ZNF469: variants seen among roughly 807,000 people sequenced by gnomAD.
The protein encoded by ZNF469 is zinc finger protein 469.
In ZNF469, 1 loss-of-function variant was observed where a neutral mutation model predicts 1.0. The observed-to-expected ratio is 1.00, with a 90% CI of 0.35 to 4.73. The LOEUF (loss-of-function observed/expected upper bound fraction) is 4.73, where lower values mean the gene tolerates loss of function less well. Among genes scored for constraint, ZNF469 ranks in the 30% most tolerant of loss-of-function variants. The pLI is 0.16. For missense variants in ZNF469, 6,100 were observed against 5,356.3 expected (o/e 1.14, Z -4.33); for synonymous variants, 2,703 against 2,363.4 (o/e 1.14, Z -4.17).
At chr16:88,331,037 C>G in the ZNF469 span, among the ~76,000 whole-genome samples, 34 of 119,002 alleles carry the variant, frequency 2.9e-4, no homozygotes, top group East Asian at 5.9e-3. Flanking sequence ...CTATTACCAC[C>G]ATCATCACCA....
At chr16:88,238,024 A>T in the ZNF469 span, among the ~76,000 whole-genome samples, 1 of 152,222 alleles carries the variant, frequency 6.6e-6, no homozygotes, top group Admixed American at 6.5e-5. Context: ...ACTGAAAAAT[A>T]TTCCATTGTC....
At chr16:88,145,759 C>G in the ZNF469 span, among the ~76,000 whole-genome samples, 1 of 152,254 alleles carries the variant, frequency 6.6e-6, no homozygotes, top group Non-Finnish European at 1.5e-5. Context: ...CCCCAGCCCC[C>G]AGTGCCGGGC....
intron 1 of ZNF469, among the ~76,000 whole-genome samples, chr16:88,400,753 A>G (rs910211243): frequency 1.3e-5 from 2 of 152,072 alleles, no homozygotes; most frequent in Non-Finnish European, 2.9e-5. Context: ...GTCCGCAAAC[A>G]GTCTATCTCT....
chr16:88,376,445 C>T, the ZNF469 span, among the ~76,000 whole-genome samples: 1 of 152,180 alleles, frequency 6.6e-6, no homozygotes, highest in African/African-American at 2.4e-5. Flanking sequence ...CTCGCCTGCC[C>T]CAGGCCTGCC....
At chr16:88,332,048 C>T in the ZNF469 span, among the ~76,000 whole-genome samples, 3 of 152,202 alleles carry the variant, frequency 2.0e-5, no homozygotes, top group South Asian at 2.1e-4. Flanking sequence ...CTTGGCAGCC[C>T]CCGAGTCCCC....
the ZNF469 span, among the ~76,000 whole-genome samples, chr16:88,127,137 C>T: frequency 6.6e-6 from 1 of 152,138 alleles, no homozygotes; most frequent in African/African-American, 2.4e-5. Flanking sequence ...TTCATGTTTT[C>T]TGGGATGGAT....
At chr16:88,316,545 C>CTTGTTTTTTT in the ZNF469 span, among the ~76,000 whole-genome samples, 1 of 101,012 alleles carries the variant, frequency 9.9e-6, no homozygotes, top group African/African-American at 4.2e-5. Flanking sequence ...TAGGTGCTGT[C>CTTGTTTTTTT]TTTTTTTTTT....
At chr16:88,238,828 G>A in the ZNF469 span, among the ~76,000 whole-genome samples, 1 of 152,232 alleles carries the variant, frequency 6.6e-6, no homozygotes, top group African/African-American at 2.4e-5. Flanking sequence ...GAGAAGAGCA[G>A]GCGCCTCTGC....
chr16:88,244,740 G>A, the ZNF469 span, among the ~76,000 whole-genome samples: 467 of 65,288 alleles, frequency 7.2e-3, no homozygotes, highest in African/African-American at 0.021. Flanking sequence ...TGAGTGGGTG[G>A]ATGGGTAGCT....
At chr16:88,423,325 G>A (rs912505473) in intron 1 of ZNF469, among the ~76,000 whole-genome samples, 6 of 144,860 alleles carry the variant, frequency 4.1e-5, no homozygotes, top group Non-Finnish European at 9.2e-5. Flanking sequence ...ATGAACAGAT[G>A]GATGGGACAG....
At chr16:88,393,398 G>C (rs550106344) in intron 1 of ZNF469, among the ~76,000 whole-genome samples, 1 of 152,348 alleles carries the variant, frequency 6.6e-6, no homozygotes, top group Non-Finnish European at 1.5e-5. Context: ...CCAGCAGCCT[G>C]CTTTGCTTGG....
chr16:88,275,833 G>A, the ZNF469 span, among the ~76,000 whole-genome samples: 5 of 152,190 alleles, frequency 3.3e-5, no homozygotes. Context: ...GACCCCCCCA[G>A]GAGGCGGGGC....
At chr16:88,355,234 T>C in the ZNF469 span, among the ~76,000 whole-genome samples, 12 of 152,162 alleles carry the variant, frequency 7.9e-5, no homozygotes, top group Non-Finnish European at 1.8e-4. Flanking sequence ...TGAACACCCA[T>C]GGCTGGAGGT....
At chr16:88,406,251 T>C (rs1249399702) in intron 1 of ZNF469, among the ~76,000 whole-genome samples, 2 of 151,984 alleles carry the variant, frequency 1.3e-5, no homozygotes. Flanking sequence ...TGTCTCAGGG[T>C]GGCCGTGTAT....
chr16:88,200,270 G>C, the ZNF469 span, among the ~76,000 whole-genome samples: 11 of 152,234 alleles, frequency 7.2e-5, no homozygotes, highest in Non-Finnish European at 1.6e-4. Context: ...GAAAGGGCTA[G>C]CCTGTGCCCA....
the ZNF469 span, among the ~76,000 whole-genome samples, chr16:88,176,599 A>G: frequency 6.6e-6 from 1 of 152,202 alleles, no homozygotes; most frequent in Non-Finnish European, 1.5e-5. Context: ...CTGCTACAAG[A>G]AGTCTCAATC....
intron 1 of ZNF469, among the ~76,000 whole-genome samples, chr16:88,413,130 G>A (rs1340952729): frequency 6.6e-6 from 1 of 152,200 alleles, no homozygotes; most frequent in Non-Finnish European, 1.5e-5. Flanking sequence ...AGGCACGGGG[G>A]CCATAGTCGT....
intron 1 of ZNF469, among the ~76,000 whole-genome samples, chr16:88,394,517 C>G (rs1208142393): frequency 6.6e-6 from 1 of 152,206 alleles, no homozygotes; most frequent in Admixed American, 6.5e-5. Context: ...AAGGTGCTTC[C>G]CGGTCGTATC....
At chr16:88,116,514 C>G in the ZNF469 span, among the ~76,000 whole-genome samples, 1 of 152,200 alleles carries the variant, frequency 6.6e-6, no homozygotes, top group African/African-American at 2.4e-5. Context: ...GGCGTTTATT[C>G]CAAAGAAATG....
Sources: allele counts gnomAD v4.1 joint callset (sites outside exome capture counted in the v4.1 genomes callset), GRCh38; gene constraint gnomAD v4.1.1; transcripts MANE v1.5; gene names NCBI Gene and HGNC (gene_info 2026-07-23, HGNC 2026-07-21).